CDK8: variants seen among roughly 807,000 people sequenced by gnomAD.
The protein encoded by CDK8 is cyclin-dependent kinase 8.
In CDK8, 29 loss-of-function variants were observed where a neutral mutation model predicts 71.5. That is an observed-to-expected ratio of 0.41 (90% CI 0.30 to 0.55). The LOEUF is 0.55. CDK8 is among the 20% of genes least tolerant of loss of function. The pLI, the probability that CDK8 is intolerant of heterozygous loss-of-function variation, is 0.37. For missense variants in CDK8, 288 were observed against 572.6 expected, an observed-to-expected ratio of 0.50 and a Z score of 5.07; for synonymous variants, 161 against 192.1, an observed-to-expected ratio of 0.84 and a Z score of 1.34.
intron 1 of CDK8, among the ~76,000 whole-genome samples, chr13:26,336,736 A>G (rs1873008215): frequency 6.6e-6 from 1 of 151,890 alleles, no homozygotes; most frequent in Non-Finnish European, 1.5e-5. Flanking sequence ...TTGTATTTTT[A>G]GTAGAGACAG....
At chr13:26,355,470 C>T (rs1565983850) in intron 4 of CDK8, among the ~76,000 whole-genome samples, 1 of 152,054 alleles carries the variant, frequency 6.6e-6, no homozygotes, top group Non-Finnish European at 1.5e-5. Context: ...AAAAAATTAG[C>T]TGGGTGTGGT....
chr13:26,259,304 A>C (rs1451147690), intron 1 of CDK8, among the ~76,000 whole-genome samples: 3 of 152,028 alleles, frequency 2.0e-5, no homozygotes, highest in Non-Finnish European at 1.5e-5. Flanking sequence ...TCGAGGGGGT[A>C]GGGGGAAGGA....
At chr13:26,289,121 C>A (rs1428515106) in intron 1 of CDK8, among the ~76,000 whole-genome samples, 1 of 125,486 alleles carries the variant, frequency 8.0e-6, no homozygotes. Context: ...GTGGTGTGAT[C>A]TCGGCTTACT....
At chr13:26,268,359 A>G (rs893111190) in intron 1 of CDK8, among the ~76,000 whole-genome samples, 3 of 150,986 alleles carry the variant, frequency 2.0e-5, no homozygotes, top group African/African-American at 7.3e-5. Flanking sequence ...TCTGTCACCC[A>G]GGCTGGAGTG....
intron 1 of CDK8, among the ~76,000 whole-genome samples, chr13:26,267,512 G>C (rs554165951): frequency 6.6e-6 from 1 of 152,248 alleles, no homozygotes; most frequent in South Asian, 2.1e-4. Flanking sequence ...ATATGTATGG[G>C]TAGACTTCAA....
chr13:26,265,413 G>A (rs1436167959), intron 1 of CDK8, among the ~76,000 whole-genome samples: 3 of 152,166 alleles, frequency 2.0e-5, no homozygotes, highest in Non-Finnish European at 4.4e-5. Context: ...CTTGTGACTT[G>A]AAAGATAATT....
chr13:26,272,681 A>C (rs1174305997), intron 1 of CDK8, among the ~76,000 whole-genome samples: 2 of 152,260 alleles, frequency 1.3e-5, no homozygotes, highest in Non-Finnish European at 2.9e-5. Context: ...TTTATTATCA[A>C]GTATTATGTA....
At chr13:26,330,322 C>T (rs1281272901) in intron 1 of CDK8, among the ~76,000 whole-genome samples, 1 of 152,132 alleles carries the variant, frequency 6.6e-6, no homozygotes, top group Non-Finnish European at 1.5e-5. Context: ...CCTCCTGCTT[C>T]GGCCTCCCTA....
intron 1 of CDK8, among the ~76,000 whole-genome samples, chr13:26,272,218 G>C (rs138503833): frequency 6.6e-6 from 1 of 151,976 alleles, no homozygotes; most frequent in African/African-American, 2.4e-5. Flanking sequence ...TTGGCTGGGC[G>C]TAGTGGGTCA....
chr13:26,403,408 A>T (rs766051415), intron 12 of CDK8, among the ~76,000 whole-genome samples: 11 of 152,140 alleles, frequency 7.2e-5, no homozygotes, highest in Non-Finnish European at 1.6e-4. Flanking sequence ...AGCAATGATT[A>T]TACCATTACA....
Position 26,400,491 on chromosome 13 carries a change from T to C in CDK8, c.972T>C (p.Ile324=), listed in dbSNP as rs760265693. The C allele has an allele frequency of 6.2e-7, 1 of 1,613,492 alleles. No individual in the cohort carries two copies. The highest frequency in any genetic ancestry group is 8.5e-7 in the Non-Finnish European group (1 of 1,179,532). ...TTACCATGGACCCAATAAAGCGAAT[T>C]ACCTCAGAACAGGCTATGCAGGACC... ...KLLTMDPIKR[I]TSEQAMQDPY... The change falls in exon 10 of 13, where the codon ATT becomes ATC. Residue 324 remains isoleucine (I), a synonymous_variant. Transcript: ENST00000381527.
At chr13:26,258,492 G>T (rs960703017) in intron 1 of CDK8, among the ~76,000 whole-genome samples, 2 of 147,424 alleles carry the variant, frequency 1.4e-5, no homozygotes, top group Non-Finnish European at 1.5e-5. Flanking sequence ...TATCTAGAGG[G>T]GTGTGTGTGT....
At chr13:26,263,790 A>T (rs1229982745) in intron 1 of CDK8, among the ~76,000 whole-genome samples, 1 of 133,518 alleles carries the variant, frequency 7.5e-6, no homozygotes, top group Non-Finnish European at 1.6e-5. Context: ...TATGTCACCC[A>T]GCCTGGAGTG....
intron 7 of CDK8, among the ~76,000 whole-genome samples, chr13:26,395,395 A>C (rs937891454): frequency 1.7e-4 from 26 of 151,804 alleles, no homozygotes; most frequent in Admixed American, 1.3e-4. Flanking sequence ...AGGCAGGGGA[A>C]TCACTTGAAC....
At chr13:26,321,074 A>G (rs908232933) in intron 1 of CDK8, among the ~76,000 whole-genome samples, 1 of 152,224 alleles carries the variant, frequency 6.6e-6, no homozygotes, top group Admixed American at 6.6e-5. Flanking sequence ...CTGTTTGCAT[A>G]TATCATGCAA....
chr13:26,337,619 A>G lies in CDK8; in HGVS notation c.181A>G (p.Met61Val), dbSNP rs1445847811. 6.9e-7 allele frequency: 1 copy of G among 1,449,608 alleles called. No individual in the cohort carries two copies. The allele number at this position is 1,449,608 out of a possible 1,614,324, so 89.8% of individuals were successfully genotyped here. ...ACAAATAGAAGGAACTGGGATCTCT[A>G]TGTCGGCATGTAGAGAAATAGCAGT... ...LKQIEGTGIS[M>V]SACREIALLR... is the part of the protein sequence containing the mutation. Residue 61 changes from methionine (M) to valine (V), a missense_variant, in exon 2 of 13, where the codon ATG becomes GTG. Physicochemically the swap from Met to Val is conservative, Grantham distance 21. Around this residue, in one of 6 missense-constraint regions of CDK8, gnomAD observed 95 missense variants for 177.3 expected, o/e 0.54. Transcript: ENST00000381527.
At chr13:26,303,640 C>G (rs1873915277) in intron 1 of CDK8, among the ~76,000 whole-genome samples, 1 of 152,278 alleles carries the variant, frequency 6.6e-6, no homozygotes, top group East Asian at 1.9e-4. Flanking sequence ...AGAGAACATA[C>G]ATGAACATTT....
chr13:26,311,589 TGAACTTAATCCAGA>T (rs1275190632), intron 1 of CDK8, among the ~76,000 whole-genome samples: 1 of 152,212 alleles, frequency 6.6e-6, no homozygotes, highest in Non-Finnish European at 1.5e-5. Flanking sequence ...ATCCTTAGCA[TGAACTTAATCCAGA>T]GAACAAGTCT....
At chr13:26,257,998 T>A (rs929360267) in intron 1 of CDK8, among the ~76,000 whole-genome samples, 2 of 151,970 alleles carry the variant, frequency 1.3e-5, no homozygotes, top group Non-Finnish European at 2.9e-5. Flanking sequence ...TAGGCAGTGA[T>A]AATGGCAATA....
Sources: allele counts gnomAD v4.1 joint callset (sites outside exome capture counted in the v4.1 genomes callset), GRCh38; gene constraint gnomAD v4.1.1; regional missense constraint gnomAD v4.1.1; transcripts MANE v1.5; gene names NCBI Gene and HGNC (gene_info 2026-07-23, HGNC 2026-07-21).